Variants in DENND6B observed in about 807,000 individuals in gnomAD.
The protein encoded by DENND6B is DENN domain containing 6B.
In DENND6B, 73 loss-of-function variants were observed where a neutral mutation model predicts 85.1. The observed-to-expected ratio is 0.86, with a 90% CI of 0.71 to 1.04. The LOEUF (loss-of-function observed/expected upper bound fraction) is 1.04, where lower values mean the gene tolerates loss of function less well. Among genes scored for constraint, DENND6B ranks in the 50% least tolerant of loss-of-function variants. DENND6B has a pLI of 0.00. For missense variants in DENND6B, 715 were observed against 785.8 expected, an observed-to-expected ratio of 0.91 and a Z score of 1.08; for synonymous variants, 357 against 329.3, an observed-to-expected ratio of 1.08 and a Z score of -0.91.
At chr22:50,314,765 A>G (rs2041739147) in intron 10 of DENND6B, 34 bp downstream of exon 10, 1 of 1,584,966 alleles carries the variant, frequency 6.3e-7, no homozygotes, top group Non-Finnish European at 8.6e-7. Flanking sequence ...GCGATGGTCC[A>G]GCTTCCCCAG....
chr22:50,315,784 G>GTGA lies in DENND6B; in HGVS notation c.703-18_703-16dup. ...GGCAGCAGGTTCTGAGAGGAGGAGA[G>GTGA]TGAAGGTCAGGGCCAAGGGGAGGCT... On this transcript the variant is annotated splice_polypyrimidine_tract_variant and intron_variant, in intron 8 of 19. Transcript: ENST00000413817. 6.6e-7 allele frequency: 1 copy of GTGA among 1,521,572 alleles called. No homozygotes were observed. 94.3% of individuals were successfully genotyped at this position (1,521,572 alleles called of 1,614,324 possible).
Position 50,312,643 on chromosome 22 carries a change from C to CG in DENND6B, c.1458-19dup, listed in dbSNP as rs780122855. On this transcript the variant is annotated intron_variant, in intron 17 of 19. Coordinates refer to ENST00000413817, the MANE Select transcript of DENND6B (RefSeq NM_001001794.4). ...AAAACCGCCTGTGGGGATTAACAGG[C>CG]GGGGGGCCATGGGGCTGACCCTGGG... The CG allele has an allele frequency of 1.4e-5, 22 of 1,550,426 alleles. No homozygotes were observed. In the African/African-American group the frequency reaches 2.5e-4, roughly 17 times the overall value.
intron 16 of DENND6B, 75 bp from the exon 17 acceptor site, chr22:50,313,183 A>G (rs1206172693): frequency 7.3e-7 from 1 of 1,373,478 alleles, no homozygotes; most frequent in East Asian, 2.5e-5. Context: ...TCCCAGACAC[A>G]CTCCTCACCA....
At chr22:50,313,765 C>T in intron 14 of DENND6B, 41 bp from the exon 15 acceptor site, 1 of 1,608,822 alleles carries the variant, frequency 6.2e-7, no homozygotes, top group Non-Finnish European at 8.5e-7. Flanking sequence ...GCGCTTCACA[C>T]CACACCAGGC....
chr22:50,326,028 C>T (rs988408737), intron 1 of DENND6B, among the ~76,000 whole-genome samples: 7 of 152,254 alleles, frequency 4.6e-5, no homozygotes, highest in African/African-American at 1.7e-4. Context: ...GGAAGCCTCC[C>T]TCCATCTGCA....
chr22:50,312,998 C>T lies in DENND6B; in HGVS notation c.1457+1G>A. The T allele has an allele frequency of 4.5e-6, 7 of 1,554,904 alleles. No individual in the cohort carries two copies. The highest frequency in any genetic ancestry group is 6.1e-6 in the Non-Finnish European group (7 of 1,149,854). On this transcript the variant is annotated splice_donor_variant, in intron 17 of 19. Transcript: ENST00000413817. LOFTEE classifies it high-confidence loss of function. The stretch of plus-strand genomic sequence containing the variant: ...GCTGCCTGCACCTGCAGTCCACGCA[C>T]CTGTAGAGACCCAGCCAGTCGCCCT...
At chr22:50,326,654 G>C (rs534103094) in intron 1 of DENND6B, among the ~76,000 whole-genome samples, 158 bp downstream of exon 1, 199 of 152,360 alleles carry the variant, frequency 1.3e-3, no homozygotes, top group African/African-American at 4.7e-3. Flanking sequence ...CCTCGGCCTG[G>C]GGAGCGCTTC....
At chr22:50,315,677 T>C (rs757244212) in intron 9 of DENND6B, 37 bp downstream of exon 9, 1 of 1,554,634 alleles carries the variant, frequency 6.4e-7, no homozygotes, top group Non-Finnish European at 8.7e-7. Flanking sequence ...CACAGTGAGC[T>C]CCTCAAAAGC....
At position 50,311,868 on chromosome 22, in the gene DENND6B, C is replaced by T. The variant is rs953037279; in HGVS notation, c.*271G>A. On this transcript the variant is annotated 3_prime_UTR_variant, in exon 20 of 20. Coordinates refer to ENST00000413817, the MANE Select transcript of DENND6B (RefSeq NM_001001794.4). ...TCAGCAAGGGCTCCCAGCCTGTCCC[C>T]GCCCCCGTCCCAGCCTAAGGTCTGC... 2.7e-5 allele frequency: 14 copies of T among 509,212 alleles called. No individual in the cohort carries two copies. The highest frequency in any genetic ancestry group is 4.1e-5 in the Non-Finnish European group (12 of 290,818). The allele number at this position is 509,212 out of a possible 1,614,324, so 31.5% of individuals were successfully genotyped here.
intron 2 of DENND6B, 28 bp from the exon 3 acceptor site, chr22:50,318,917 C>T (rs2041947538): frequency 3.1e-6 from 5 of 1,611,600 alleles, no homozygotes; most frequent in Non-Finnish European, 4.2e-6. Context: ...CCGGTGAGGG[C>T]CGACCCACTC....
chr22:50,312,949 C>A, intron 17 of DENND6B, 50 bp downstream of exon 17: 1 of 1,500,512 alleles, frequency 6.7e-7, no homozygotes, highest in Non-Finnish European at 9.0e-7. Context: ...ATGGGGCTGA[C>A]CCTGTGGACC....
rs2041701314 is a variant in DENND6B at position 50,314,214 on chromosome 22, G to A, written c.1131C>T (p.Thr377=). Reference sequence around the variant, plus strand: ...GTCGAGGGGAGCACAGACCTGGCTTGGTGTCCAGGGTCTTCAACCTTGAAG... The same window carrying A: ...GTCGAGGGGAGCACAGACCTGGCTTAGTGTCCAGGGTCTTCAACCTTGAAG... The part of the protein sequence containing the change: ...KKPSRLKTLD[T]KPGLYTAYTA... The change falls in exon 13 of 20, where the codon ACC becomes ACT. Residue 377 remains threonine (T), a synonymous_variant. Coordinates refer to ENST00000413817, the MANE Select transcript of DENND6B (RefSeq NM_001001794.4). 3 of 1,605,074 alleles carry A rather than the reference G, an allele frequency of 1.9e-6. No homozygotes were observed. In the East Asian group the frequency reaches 6.7e-5, roughly 36 times the overall value.
chr22:50,312,004 T>G lies in DENND6B; in HGVS notation c.*135A>C. ...GCCTTTACTGCTGAGACAATGGTGG[T>G]GCAGGAAGGGGAGCCTGCAGTCTGG... On this transcript the variant is annotated 3_prime_UTR_variant, in exon 20 of 20. Transcript: ENST00000413817. 1 of 1,388,992 alleles carries G rather than the reference T, an allele frequency of 7.2e-7. No homozygotes were observed. Among genetic ancestry groups the G allele is most frequent in the Non-Finnish European group, 9.6e-7 (1 of 1,044,278 alleles). 86.0% of individuals were successfully genotyped at this position (1,388,992 alleles called of 1,614,324 possible).
Position 50,314,830 on chromosome 22 carries a change from C to T in DENND6B, c.850G>A (p.Val284Met), listed in dbSNP as rs751931621. The change falls in exon 10 of 20, where the codon GTG (valine) becomes ATG (methionine). Residue 284 changes from valine (V) to methionine (M), a missense_variant. Transcript: ENST00000413817. ...PLLVLAPSPD[V>M]SSEMVLALTS... ...AAGGCCAGCACCATCTCCGAGGACACGTCGGGCGAGGGTGCCAGGACTAGC... is the reference window on the plus strand; with the variant it reads ...AAGGCCAGCACCATCTCCGAGGACATGTCGGGCGAGGGTGCCAGGACTAGC... 37 of 1,610,550 alleles carry T rather than the reference C, an allele frequency of 2.3e-5. No individual in the cohort carries two copies. Among genetic ancestry groups the T allele is most frequent in the South Asian group, 4.4e-5 (4 of 90,516 alleles).
chr22:50,320,917 G>C (rs1206271790), intron 1 of DENND6B, among the ~76,000 whole-genome samples: 2 of 152,202 alleles, frequency 1.3e-5, no homozygotes, highest in African/African-American at 4.8e-5. Context: ...AGTGTCCCTG[G>C]GGCCCAGGTA....
intron 15 of DENND6B, 53 bp from the exon 16 acceptor site, chr22:50,313,552 A>AGGC (rs2068121740): frequency 5.1e-6 from 2 of 389,644 alleles, no homozygotes; most frequent in Non-Finnish European, 7.2e-6. Context: ...CCCCAGCCCC[A>AGGC]TCCCCCGCAG....
Position 50,321,398 on chromosome 22 carries a change from G to A in DENND6B, c.178-2395C>T, listed in dbSNP as rs149191993. Among the ~76,000 whole-genome samples, 25 of 152,262 alleles carry A rather than the reference G, an allele frequency of 1.6e-4. No individual in the cohort carries two copies. In the East Asian group the frequency reaches 4.8e-3, roughly 29 times the overall value. ...ATTTTTTGAGACGGGGTCTTGCTCT[G>A]TCACCAGGCTGGAGTGCACTGACGT... On this transcript the variant is annotated intron_variant, in intron 1 of 19. Coordinates refer to ENST00000413817, the MANE Select transcript of DENND6B (RefSeq NM_001001794.4).
intron 16 of DENND6B, 122 bp from the exon 17 acceptor site, chr22:50,313,230 A>C: frequency 8.5e-7 from 1 of 1,171,800 alleles, no homozygotes; most frequent in Non-Finnish European, 1.2e-6. Flanking sequence ...TGCCTGGCAC[A>C]GATCCCAGGA....
chr22:50,322,836 C>T (rs1368405442), intron 1 of DENND6B, among the ~76,000 whole-genome samples: 1 of 149,444 alleles, frequency 6.7e-6, no homozygotes, highest in Non-Finnish European at 1.5e-5. Context: ...AGGCATGAGC[C>T]ACCGTGCCCA....
Sources: gnomAD v4.1 joint callset for allele counts (sites outside exome capture counted in the v4.1 genomes callset) on GRCh38, gnomAD v4.1.1 for gene constraint, MANE v1.5 for transcripts, NCBI Gene and HGNC (gene_info 2026-07-23, HGNC 2026-07-21) for gene names.